The following OLFM1 variants were observed in gnomAD, a reference collection of about 807,000 sequenced individuals.
OLFM1 encodes noelin.
Under a neutral mutation model 49.7 loss-of-function variants are expected in OLFM1, and 9 were observed. That is an observed-to-expected ratio of 0.18 (90% CI 0.11 to 0.32). OLFM1 has a LOEUF of 0.32. Among genes scored for constraint, OLFM1 ranks in the 10% least tolerant of loss-of-function variants. The pLI is 1.00. For synonymous variants in OLFM1, 240 were observed against 271.8 expected, an observed-to-expected ratio of 0.88 and a Z score of 1.15; for missense variants, 369 against 661.8, an observed-to-expected ratio of 0.56 and a Z score of 4.85.
chr9:135,075,910 C>T (rs930504759), intron 1 of OLFM1: 10 of 1,301,958 alleles, frequency 7.7e-6, no homozygotes, highest in Admixed American at 6.5e-5. Context: ...CCCGCGCCCC[C>T]GGCCTGGGCG....
chr9:135,087,499 A>C, upstream of OLFM1: 1 of 1,459,264 alleles, frequency 6.9e-7, no homozygotes, highest in East Asian at 2.7e-5. Flanking sequence ...CCCTGATCCC[A>C]ACTCCTGGGC....
intron 1 of OLFM1, chr9:135,076,138 G>C: frequency 6.5e-7 from 1 of 1,549,688 alleles, no homozygotes; most frequent in Non-Finnish European, 8.7e-7. Context: ...CATCTGGAGG[G>C]GGAAGAGTGA....
In OLFM1 at chr9:135,076,842, G is replaced by A. The variant is rs1351608571; in HGVS notation, c.96+1040G>A. On this transcript the variant is annotated intron_variant, in intron 1 of 5. Coordinates refer to the OLFM1 transcript ENST00000252854. ...AAGAGAAAACAAAGCAGAGAAGATGGGAGGGCCAGAGAGCGAGAGGAAGAC... is the reference window on the plus strand; with the variant it reads ...AAGAGAAAACAAAGCAGAGAAGATGAGAGGGCCAGAGAGCGAGAGGAAGAC... The A allele has an allele frequency of 8.4e-6, 13 of 1,549,656 alleles. No homozygotes were observed. The African/African-American group carries it at 9.6e-5, about 11-fold the overall frequency.
In OLFM1 at chr9:135,117,983, T is replaced by TGG. The variant is rs1384020744; in HGVS notation, c.784-1519_784-1518dup. Among the ~76,000 whole-genome samples, 5 of 152,250 alleles carry TGG rather than the reference T, an allele frequency of 3.3e-5. No individual in the cohort carries two copies. Among genetic ancestry groups the TGG allele is most frequent in the Non-Finnish European group, 7.3e-5 (5 of 68,040 alleles). On this transcript the variant is annotated intron_variant, in intron 5 of 5. Coordinates refer to ENST00000371793, the MANE Select transcript of OLFM1 (RefSeq NM_001282611.2). This position sits in a 1 kb window ranked among gnomAD's most constrained non-coding sequence, Gnocchi z 5.5. ...CTGTGTCTCCTTTTGAGGAGTGTGC[T>TGG]GGGTTTGGAGGTAGGACGTGGCACC... is the stretch of plus-strand genomic sequence containing the variant.
At chr9:135,079,366 A>G (rs968363173) in intron 1 of OLFM1, among the ~76,000 whole-genome samples, 8 of 152,082 alleles carry the variant, frequency 5.3e-5, no homozygotes, top group African/African-American at 1.9e-4. Context: ...TCATACCTTT[A>G]AGGCCAGCAC....
Position 135,098,566 on chromosome 9 carries a change from C to T in OLFM1, c.676+61C>T, listed in dbSNP as rs1830830290. 12 of 1,473,392 alleles carry T rather than the reference C, an allele frequency of 8.1e-6. No homozygotes were observed. Among genetic ancestry groups the T allele is most frequent in the East Asian group, 2.3e-5 (1 of 44,148 alleles). 91.3% of individuals were successfully genotyped at this position (1,473,392 alleles called of 1,614,324 possible). On this transcript the variant is annotated intron_variant, in intron 4 of 5. Transcript: ENST00000371793. The surrounding 1 kb of genome is among the most constrained non-coding windows in gnomAD (Gnocchi z 5.6). Reference sequence around the variant, plus strand: ...TGCCCACCTCCGGCACACGCACAGGCTTAGGGAGTGGTGCTGAAGTGGACA... The same window carrying T: ...TGCCCACCTCCGGCACACGCACAGGTTTAGGGAGTGGTGCTGAAGTGGACA...
At position 135,098,812 on chromosome 9, in the gene OLFM1, G is replaced by T. The variant is rs1830833494; in HGVS notation, c.676+307G>T. On this transcript the variant is annotated intron_variant, in intron 4 of 5. Transcript: ENST00000371793. The surrounding 1 kb of genome is among the most constrained non-coding windows in gnomAD (Gnocchi z 5.6). ...GTGTGTGTGAATCGTATGTGTGTGT[G>T]CATTGAAGACACCAGTTTAATAGGG... 6.6e-6 allele frequency among the ~76,000 whole-genome samples: 1 copy of T among 152,242 alleles called. No individual in the cohort carries two copies. Among genetic ancestry groups the T allele is most frequent in the African/African-American group, 2.4e-5 (1 of 41,462 alleles).
chr9:135,081,621 G>A (rs535836789), intron 1 of OLFM1, among the ~76,000 whole-genome samples: 6 of 152,296 alleles, frequency 3.9e-5, no homozygotes, highest in East Asian at 3.9e-4. Flanking sequence ...TAGGGGTTAC[G>A]TAGGCAGCCC....
chr9:135,106,499 G>A (rs554246149), intron 4 of OLFM1: 47 of 488,326 alleles, frequency 9.6e-5, no homozygotes, highest in Non-Finnish European at 1.4e-4. Flanking sequence ...GAGGGCGGCC[G>A]TCTGCCCACG....
chr9:135,079,349 C>T (rs899770516), intron 1 of OLFM1, among the ~76,000 whole-genome samples: 3 of 152,068 alleles, frequency 2.0e-5, no homozygotes, highest in African/African-American at 7.2e-5. Context: ...AGGCTGGGTA[C>T]GGTGGCTCAT....
chr9:135,076,150 A>C (rs1171196539), intron 1 of OLFM1: 91 of 1,549,854 alleles, frequency 5.9e-5, no homozygotes, highest in Non-Finnish European at 7.7e-5. Context: ...GAAGAGTGAG[A>C]GCCGGATAGC....
chr9:135,104,262 C>G (rs373438248), intron 4 of OLFM1, among the ~76,000 whole-genome samples: 125 of 152,246 alleles, frequency 8.2e-4, no homozygotes, highest in African/African-American at 2.8e-3. Context: ...GCCGGCACAC[C>G]AGGTGGAGGG....
At chr9:135,099,725 G>T (rs1184195930) in intron 4 of OLFM1, among the ~76,000 whole-genome samples, 2 of 152,166 alleles carry the variant, frequency 1.3e-5, no homozygotes, top group Admixed American at 6.5e-5. Flanking sequence ...GTCTCACGGG[G>T]GCTGCTAACT....
chr9:135,087,840 CGGCGGCGGCGGGCG>C lies in OLFM1; in HGVS notation c.-136_-123del. On this transcript the variant is annotated 5_prime_UTR_variant, in exon 1 of 6. The change abolishes the stop of an existing upstream ORF in the 5' untranslated region. Coordinates refer to ENST00000371793, the MANE Select transcript of OLFM1 (RefSeq NM_001282611.2). ...GCGATGGCCGGGGCGCGCGGGGCGG[CGGCGGCGGCGGGCG>C]GGCGGCGGCGGGCCGAGGGGGCGCG... is the stretch of plus-strand genomic sequence containing the variant. The C allele has an allele frequency of 4.3e-6, 4 of 929,332 alleles. No homozygotes were observed. The highest frequency in any genetic ancestry group is 5.1e-6 in the Non-Finnish European group (4 of 781,898). The allele number at this position is 929,332 out of a possible 1,614,324, so 57.6% of individuals were successfully genotyped here.
At chr9:135,116,982 G>T (rs755899683) in intron 5 of OLFM1, among the ~76,000 whole-genome samples, 1 of 151,750 alleles carries the variant, frequency 6.6e-6, no homozygotes, top group Non-Finnish European at 1.5e-5. Context: ...TTTTTAGCGC[G>T]TGTGTAATGC....
chr9:135,075,730 G>C, exon 1 of OLFM1: 1 of 1,603,434 alleles, frequency 6.2e-7, no homozygotes, highest in Non-Finnish European at 8.5e-7. Flanking sequence ...GGAGGTGGCA[G>C]CGAGACATGC....
chr9:135,091,380 C>T (rs955757684), intron 2 of OLFM1, among the ~76,000 whole-genome samples: 1 of 152,208 alleles, frequency 6.6e-6, no homozygotes, highest in Admixed American at 6.5e-5. Flanking sequence ...GGGCAGGGAA[C>T]TTTCCCACCC....
chr9:135,076,171 G>C (rs1830463394), intron 1 of OLFM1: 3 of 1,550,382 alleles, frequency 1.9e-6, no homozygotes, highest in African/African-American at 1.4e-5. Flanking sequence ...CAAGACCCCA[G>C]GCATTTTCAG....
intron 5 of OLFM1, among the ~76,000 whole-genome samples, chr9:135,115,417 C>T (rs1374284872): frequency 6.6e-6 from 1 of 152,256 alleles, no homozygotes; most frequent in African/African-American, 2.4e-5. Context: ...AGGGTTTGCC[C>T]TCCAGGTTCC....
Sources: gnomAD v4.1 joint callset for allele counts (sites outside exome capture counted in the v4.1 genomes callset) on GRCh38, gnomAD v4.1.1 for gene constraint, Gnocchi (gnomAD v3.1) non-coding constraint, MANE v1.5 for transcripts, NCBI Gene and HGNC (gene_info 2026-07-23, HGNC 2026-07-21) for gene names.